The following RAD51B variants were observed in gnomAD, a reference collection of about 807,000 sequenced individuals.
RAD51B encodes RAD51 paralog B, also known as DNA repair protein RAD51 homolog 2.
Under a neutral mutation model 42.2 loss-of-function variants are expected in RAD51B, and 38 were observed. The observed-to-expected ratio is 0.90, with a 90% CI of 0.70 to 1.18. The LOEUF (loss-of-function observed/expected upper bound fraction) is 1.18. Among genes scored for constraint, RAD51B ranks in the 50% most tolerant of loss-of-function variants. The pLI is 0.00. For synonymous variants in RAD51B, 154 were observed against 145.2 expected (o/e 1.06, Z -0.43); for missense variants, 373 against 400.7 (o/e 0.93, Z 0.59).
chr14:68,216,336 A>G (rs1301934351), intron 7 of RAD51B, among the ~76,000 whole-genome samples: 1 of 152,228 alleles, frequency 6.6e-6, no homozygotes, highest in Non-Finnish European at 1.5e-5. Flanking sequence ...TTAAGGGTTT[A>G]TTGGCAGTGA....
At chr14:68,243,237 T>C (rs1228093569) in intron 7 of RAD51B, among the ~76,000 whole-genome samples, 1 of 152,214 alleles carries the variant, frequency 6.6e-6, no homozygotes, top group Non-Finnish European at 1.5e-5. Context: ...TTCTCTTTTT[T>C]TCTAGCTAGG....
chr14:68,425,497 A>C (rs1436203874), intron 9 of RAD51B, among the ~76,000 whole-genome samples: 1 of 152,148 alleles, frequency 6.6e-6, no homozygotes, highest in Non-Finnish European at 1.5e-5. Flanking sequence ...TTCAGCCCCC[A>C]TTTGTCTCTC....
intron 7 of RAD51B, among the ~76,000 whole-genome samples, chr14:68,123,277 T>A (rs2077689946): frequency 6.8e-6 from 1 of 147,142 alleles, no homozygotes. Context: ...AGCCTCAACC[T>A]CTCAGGCTCA....
At position 68,606,174 on chromosome 14, in the gene RAD51B, C is replaced by A. The variant is rs528587766; in HGVS notation, c.1037-4832C>A. ...GTGATTCTAAGGTGCAGCCTAGGAC[C>A]GGAACAACTGTGTAAGATGCTGTGA... On this transcript the variant is annotated intron_variant, in intron 10 of 10. Coordinates refer to the RAD51B transcript ENST00000487861. Among the ~76,000 whole-genome samples, 5 of 152,280 alleles carry A rather than the reference C, an allele frequency of 3.3e-5. No individual in the cohort carries two copies. In the South Asian group the frequency reaches 1.0e-3, roughly 32 times the overall value.
intron 7 of RAD51B, among the ~76,000 whole-genome samples, chr14:68,050,041 T>G (rs913292296): frequency 6.6e-6 from 1 of 152,224 alleles, no homozygotes; most frequent in Admixed American, 6.5e-5. Context: ...TATTTAAATC[T>G]TTCTAATCTT....
At position 68,304,992 on chromosome 14, in the gene RAD51B, G is replaced by T. The variant is rs57931730; in HGVS notation, c.853+13012G>T. The stretch of plus-strand genomic sequence containing the variant: ...ATAACCCATCATTTTTTAGCATATT[G>T]CCCCAAAGTATGGAAAATTGCTGCC... On this transcript the variant is annotated intron_variant, in intron 8 of 10. Coordinates refer to ENST00000471583, the MANE Select transcript of RAD51B (RefSeq NM_133510.4). Among the ~76,000 whole-genome samples, 27 of 152,182 alleles carry T rather than the reference G, an allele frequency of 1.8e-4. No homozygotes were observed. In the East Asian group the frequency reaches 4.8e-3, roughly 27 times the overall value.
At chr14:68,466,896 A>G (rs1357286787) in intron 9 of RAD51B, among the ~76,000 whole-genome samples, 1 of 152,234 alleles carries the variant, frequency 6.6e-6, no homozygotes, top group Non-Finnish European at 1.5e-5. Flanking sequence ...TTCCAAGCCT[A>G]TGACTAAAAC....
At chr14:68,169,869 C>T (rs1419398457) in intron 7 of RAD51B, among the ~76,000 whole-genome samples, 1 of 152,192 alleles carries the variant, frequency 6.6e-6, no homozygotes, top group African/African-American at 2.4e-5. Flanking sequence ...CTTGTTTGCA[C>T]TGCACTTACA....
chr14:67,967,652 G>A (rs1244647211), intron 7 of RAD51B, among the ~76,000 whole-genome samples: 2 of 152,236 alleles, frequency 1.3e-5, no homozygotes, highest in Non-Finnish European at 2.9e-5. Flanking sequence ...TCACATCCAA[G>A]TCATGCTGAT....
intron 9 of RAD51B, among the ~76,000 whole-genome samples, chr14:68,462,198 C>G (rs942508145): frequency 6.6e-6 from 1 of 152,170 alleles, no homozygotes; most frequent in Admixed American, 6.5e-5. Context: ...GAGTGTGGTA[C>G]TCAATAAATG....
At chr14:68,221,446 C>T (rs2079924596) in intron 7 of RAD51B, among the ~76,000 whole-genome samples, 1 of 152,168 alleles carries the variant, frequency 6.6e-6, no homozygotes, top group African/African-American at 2.4e-5. Flanking sequence ...GGGAAAAGGA[C>T]ACCCTATTCA....
intron 5 of RAD51B, 85 bp downstream of exon 5, chr14:67,865,224 C>T: frequency 8.1e-7 from 1 of 1,233,710 alleles, no homozygotes; most frequent in Non-Finnish European, 1.1e-6. Flanking sequence ...TTAACATTTA[C>T]CACCCCTCCC....
intron 7 of RAD51B, among the ~76,000 whole-genome samples, chr14:68,129,846 G>A (rs2077848059): frequency 6.6e-6 from 1 of 152,180 alleles, no homozygotes; most frequent in African/African-American, 2.4e-5. Flanking sequence ...TTTCTAACAG[G>A]TTCCTAGATG....
chr14:68,097,931 G>A (rs1198264602), intron 7 of RAD51B, among the ~76,000 whole-genome samples: 2 of 152,072 alleles, frequency 1.3e-5, no homozygotes, highest in Non-Finnish European at 1.5e-5. Flanking sequence ...GCATCATCAC[G>A]TGGCTGCATA....
intron 7 of RAD51B, among the ~76,000 whole-genome samples, chr14:68,034,308 A>G (rs1035535022): frequency 6.7e-6 from 1 of 149,984 alleles, no homozygotes; most frequent in Non-Finnish European, 1.5e-5. Context: ...GTCTTGCTCT[A>G]TTACCCAGGT....
intron 7 of RAD51B, among the ~76,000 whole-genome samples, chr14:68,092,124 A>T: frequency 6.6e-6 from 1 of 152,238 alleles, no homozygotes; most frequent in African/African-American, 2.4e-5. Context: ...GTTTGAAGTC[A>T]GGTAGCATGA....
chr14:68,241,166 G>C (rs533912029), intron 7 of RAD51B, among the ~76,000 whole-genome samples: 1 of 152,158 alleles, frequency 6.6e-6, no homozygotes, highest in Non-Finnish European at 1.5e-5. Context: ...ATACGTGGTT[G>C]GAACCTAGAA....
At chr14:67,839,034 A>G (rs1241277902) in intron 4 of RAD51B, among the ~76,000 whole-genome samples, 1 of 152,108 alleles carries the variant, frequency 6.6e-6, no homozygotes, top group East Asian at 1.9e-4. Flanking sequence ...CATTTTTGGG[A>G]CAAGTTCAAC....
chr14:68,008,973 C>T (rs1173092552), intron 7 of RAD51B, among the ~76,000 whole-genome samples: 1 of 151,956 alleles, frequency 6.6e-6, no homozygotes, highest in East Asian at 1.9e-4. Context: ...AGTTCTCTTT[C>T]ACTCTGATCT....
Sources: allele counts gnomAD v4.1 joint callset (sites outside exome capture counted in the v4.1 genomes callset), GRCh38; gene constraint gnomAD v4.1.1; transcripts MANE v1.5; gene names NCBI Gene and HGNC (gene_info 2026-07-23, HGNC 2026-07-21).